Variants in CHST8 observed in about 807,000 individuals in gnomAD.
CHST8 encodes GALNAC-4-ST1.
Under a neutral mutation model 15.0 loss-of-function variants are expected in CHST8, and 10 were observed. That is an observed-to-expected ratio of 0.67 (90% CI 0.41 to 1.13). The LOEUF (loss-of-function observed/expected upper bound fraction) is 1.13, where lower values mean the gene tolerates loss of function less well. Ranked by LOEUF, CHST8 falls within the 50% of genes most tolerant of loss-of-function variation. CHST8 has a pLI of 0.00. For synonymous variants in CHST8, 259 were observed against 256.6 expected (o/e 1.01, Z -0.09); for missense variants, 634 against 608.2 (o/e 1.04, Z -0.45).
intron 2 of CHST8, among the ~76,000 whole-genome samples, chr19:33,678,137 G>T (rs1972834463): frequency 6.6e-6 from 1 of 152,192 alleles, no homozygotes; most frequent in African/African-American, 2.4e-5. Context: ...CCAACACTCT[G>T]TGGGGAAAAA....
At chr19:33,747,846 C>T (rs1314176941) in intron 3 of CHST8, among the ~76,000 whole-genome samples, 12 of 152,016 alleles carry the variant, frequency 7.9e-5, no homozygotes. Context: ...TTTTTTTTAA[C>T]TGACACACAA....
intron 3 of CHST8, among the ~76,000 whole-genome samples, chr19:33,761,200 A>G (rs955627239): frequency 5.3e-5 from 8 of 152,168 alleles, no homozygotes; most frequent in Admixed American, 2.6e-4. Context: ...CCAGGCCCAC[A>G]TGTGTTGAAG....
At chr19:33,623,036 C>T (rs1454443610) in intron 1 of CHST8, among the ~76,000 whole-genome samples, 1 of 152,176 alleles carries the variant, frequency 6.6e-6, no homozygotes, top group African/African-American at 2.4e-5. Context: ...GCTCTGGCCT[C>T]GCTGGAGGCC....
At chr19:33,766,153 T>C (rs908582) in intron 3 of CHST8, among the ~76,000 whole-genome samples, 31,966 of 151,620 alleles carry the variant, frequency 0.21, 3,519 homozygotes, top group Middle Eastern at 0.29. Context: ...TCTCTTCTTC[T>C]TCCTTTCCTC....
intron 1 of CHST8, among the ~76,000 whole-genome samples, chr19:33,627,015 T>G (rs1258540457): frequency 6.7e-6 from 1 of 149,052 alleles, no homozygotes; most frequent in Non-Finnish European, 1.5e-5. Flanking sequence ...ATCTTGAACT[T>G]CTTGCCTCAA....
intron 3 of CHST8, among the ~76,000 whole-genome samples, chr19:33,756,536 CT>C (rs1422552772): frequency 6.6e-6 from 1 of 152,200 alleles, no homozygotes; most frequent in Non-Finnish European, 1.5e-5. Flanking sequence ...ACCTCCCTGT[CT>C]GGGGGTCCTG....
At chr19:33,689,505 C>T (rs1973056546) in intron 3 of CHST8, 114 bp downstream of exon 3, 2 of 1,248,628 alleles carry the variant, frequency 1.6e-6, no homozygotes, top group East Asian at 2.7e-5. Context: ...AAGTCTGTGC[C>T]AAGACCCCCG....
rs1972645982 is a variant in CHST8 at position 33,665,545 on chromosome 19, T to A, written c.-163-2222T>A. Among the ~76,000 whole-genome samples the A allele has an allele frequency of 2.0e-5, 3 of 151,542 alleles. No homozygotes were observed. The South Asian group carries it at 6.2e-4, about 32-fold the overall frequency. On this transcript the variant is annotated intron_variant, in intron 1 of 4. Coordinates refer to ENST00000650847, the MANE Select transcript of CHST8 (RefSeq NM_001127895.2). ...TAATGGATTGCAAGACACAGATGGGTATGGAAATGGAGGAAGATGGCAAAT... is the reference window on the plus strand; with the variant it reads ...TAATGGATTGCAAGACACAGATGGGAATGGAAATGGAGGAAGATGGCAAAT...
chr19:33,721,303 A>G (rs1227765444), intron 3 of CHST8, among the ~76,000 whole-genome samples: 1 of 152,138 alleles, frequency 6.6e-6, no homozygotes, highest in African/African-American at 2.4e-5. Context: ...GTCCTTCTCC[A>G]TCTTCTGTCC....
intron 3 of CHST8, among the ~76,000 whole-genome samples, chr19:33,699,029 C>CT (rs1332335840): frequency 6.6e-6 from 1 of 152,204 alleles, no homozygotes; most frequent in African/African-American, 2.4e-5. Context: ...AACCAGTATC[C>CT]TGGAAGCTGT....
At chr19:33,694,938 C>G (rs374238241) in intron 3 of CHST8, among the ~76,000 whole-genome samples, 3 of 114,702 alleles carry the variant, frequency 2.6e-5, no homozygotes, top group Admixed American at 1.6e-4. Flanking sequence ...CTCCCCTCCC[C>G]TCCCTTCCCC....
chr19:33,702,937 G>A (rs1261998010), intron 3 of CHST8, among the ~76,000 whole-genome samples: 1 of 152,234 alleles, frequency 6.6e-6, no homozygotes, highest in African/African-American at 2.4e-5. Flanking sequence ...ACTGAAGGCT[G>A]GGGGCTGGGG....
chr19:33,729,788 G>A (rs887375158), intron 3 of CHST8, among the ~76,000 whole-genome samples: 1 of 152,220 alleles, frequency 6.6e-6, no homozygotes, highest in Non-Finnish European at 1.5e-5. Flanking sequence ...GTTTTTAAGG[G>A]TTTTGGAGTG....
chr19:33,672,564 T>C (rs886775647), intron 2 of CHST8, among the ~76,000 whole-genome samples: 3 of 152,154 alleles, frequency 2.0e-5, no homozygotes, highest in Admixed American at 1.3e-4. Context: ...TGCAAGTTCT[T>C]AGGCAGATGT....
intron 3 of CHST8, among the ~76,000 whole-genome samples, chr19:33,765,557 G>GTGTGTGTGTGTC (rs1467364267): frequency 1.3e-3 from 95 of 72,556 alleles, no homozygotes; most frequent in African/African-American, 4.9e-3. Flanking sequence ...GTGTGTGTCA[G>GTGTGTGTGTGTC]AGAGAGAGAG....
chr19:33,660,961 T>C lies in CHST8; in HGVS notation c.-163-6806T>C, dbSNP rs530523035. Among the ~76,000 whole-genome samples the C allele has an allele frequency of 5.8e-4, 89 of 152,290 alleles. No homozygotes were observed. In the South Asian group the frequency reaches 0.018, roughly 30 times the overall value. ...CCCCAGTTTTGGGGCCCACCTGTCC[T>C]GCATCACTAGTAGCCTGGCCTGTGT... On this transcript the variant is annotated intron_variant, in intron 1 of 4. Transcript: ENST00000650847.
intron 1 of CHST8, among the ~76,000 whole-genome samples, chr19:33,661,771 C>T (rs569135887): frequency 2.8e-4 from 43 of 150,882 alleles, no homozygotes; most frequent in African/African-American, 1.0e-3. Context: ...TGGCTCATGC[C>T]TTTAATCCCA....
Position 33,701,976 on chromosome 19 carries a change from A to ATGTT in CHST8, c.130+12603_130+12606dup, listed in dbSNP as rs147152354. ...GCTATTAGTTAATGTCATGGTCTAT[A>ATGTT]TGTTTGTTTGTTTGTTTGTTTTTGT... On this transcript the variant is annotated intron_variant, in intron 3 of 4. Coordinates refer to ENST00000650847, the MANE Select transcript of CHST8 (RefSeq NM_001127895.2). Among the ~76,000 whole-genome samples the ATGTT allele has an allele frequency of 5.2e-3, 784 of 151,962 alleles. 4 individuals carry two copies. The highest frequency in any genetic ancestry group is 0.013 in the South Asian group (62 of 4,812).
intron 3 of CHST8, among the ~76,000 whole-genome samples, chr19:33,728,633 G>A (rs1474848544): frequency 6.6e-6 from 1 of 152,204 alleles, no homozygotes; most frequent in Non-Finnish European, 1.5e-5. Flanking sequence ...ACAGCCACAG[G>A]CACCCAGACA....
Sources: gnomAD v4.1 joint callset for allele counts (sites outside exome capture counted in the v4.1 genomes callset) on GRCh38, gnomAD v4.1.1 for gene constraint, MANE v1.5 for transcripts, NCBI Gene and HGNC (gene_info 2026-07-23, HGNC 2026-07-21) for gene names.